The following FIRRM variants were observed in gnomAD, a reference collection of about 807,000 sequenced individuals.
FIRRM encodes the protein FIGNL1 interacting regulator of recombination and mitosis, also known as FIGNL1-interacting regulator of recombination and mitosis.
the FIRRM span, among the ~76,000 whole-genome samples, chr1:169,794,383 C>T: frequency 2.0e-5 from 3 of 152,162 alleles, no homozygotes; most frequent in South Asian, 2.1e-4. Flanking sequence ...AGACTTCACT[C>T]CAAACATTTA....
the FIRRM span, among the ~76,000 whole-genome samples, chr1:169,845,731 A>C: frequency 5.9e-5 from 9 of 152,288 alleles, no homozygotes; most frequent in South Asian, 1.2e-3. Context: ...TCACATCTTC[A>C]GGATCTACTT....
At chr1:169,811,869 T>TTAGA in the FIRRM span, among the ~76,000 whole-genome samples, 316 of 142,802 alleles carry the variant, frequency 2.2e-3, no homozygotes, top group Middle Eastern at 0.014. Context: ...GATAGATAGA[T>TTAGA]TAGATAGATA....
the FIRRM span, among the ~76,000 whole-genome samples, chr1:169,822,408 C>T: frequency 1.3e-5 from 2 of 152,192 alleles, no homozygotes; most frequent in Non-Finnish European, 2.9e-5. Context: ...TTTTTAAAAA[C>T]CACTAATATC....
the FIRRM span, among the ~76,000 whole-genome samples, chr1:169,801,755 G>A: frequency 7.2e-5 from 11 of 152,024 alleles, no homozygotes; most frequent in East Asian, 2.1e-3. Flanking sequence ...TTAAATGGAG[G>A]GAACTAAAGA....
At chr1:169,847,797 T>C in the FIRRM span, 105 of 1,572,920 alleles carry the variant, frequency 6.7e-5, 1 homozygote, top group Middle Eastern at 1.7e-4. Flanking sequence ...TACCTGAAGC[T>C]ATCCAGGTAA....
the FIRRM span, chr1:169,829,396 G>A: frequency 1.9e-6 from 3 of 1,613,564 alleles, no homozygotes; most frequent in Non-Finnish European, 2.5e-6. Flanking sequence ...GCATGTTTGT[G>A]TTCATCTGTG....
At chr1:169,796,279 G>A in the FIRRM span, among the ~76,000 whole-genome samples, 4 of 151,938 alleles carry the variant, frequency 2.6e-5, no homozygotes, top group African/African-American at 9.7e-5. Context: ...CTTAAACTGC[G>A]TGCATAATGT....
At chr1:169,849,562 G>A in the FIRRM span, 4 of 1,614,046 alleles carry the variant, frequency 2.5e-6, no homozygotes, top group South Asian at 4.4e-5. Context: ...GGAGTTGGCT[G>A]CTAGAACAAC....
At chr1:169,810,347 C>A in the FIRRM span, among the ~76,000 whole-genome samples, 1 of 152,122 alleles carries the variant, frequency 6.6e-6, no homozygotes, top group Non-Finnish European at 1.5e-5. Flanking sequence ...CTGGGGTTGC[C>A]GTAACAAGTT....
the FIRRM span, among the ~76,000 whole-genome samples, chr1:169,834,811 G>A: frequency 6.6e-6 from 1 of 152,100 alleles, no homozygotes; most frequent in Non-Finnish European, 1.5e-5. Context: ...ACTATCTCAT[G>A]ATATCTTAAG....
the FIRRM span, among the ~76,000 whole-genome samples, chr1:169,840,891 C>G: frequency 7.8e-4 from 118 of 152,234 alleles, 1 homozygote; most frequent in Middle Eastern, 0.014. Context: ...ATTTTGTATC[C>G]TGAAACAGAT....
the FIRRM span, chr1:169,805,875 T>C: frequency 1.6e-6 from 1 of 636,796 alleles, no homozygotes; most frequent in East Asian, 3.0e-5. Flanking sequence ...ACACAACTGT[T>C]TCCAAGTTGT....
the FIRRM span, chr1:169,795,086 T>C: frequency 6.5e-7 from 1 of 1,531,844 alleles, no homozygotes; most frequent in Non-Finnish European, 8.7e-7. Flanking sequence ...TTTGAAGCTC[T>C]CCTGTTTGAC....
chr1:169,828,623 A>C, the FIRRM span, among the ~76,000 whole-genome samples: 10,087 of 152,032 alleles, frequency 0.066, 428 homozygotes, highest in Non-Finnish European at 0.099. Context: ...ACCATGGGTC[A>C]CTGCAGCCTC....
chr1:169,842,674 T>TA, the FIRRM span: 2 of 960,756 alleles, frequency 2.1e-6, no homozygotes, highest in Non-Finnish European at 3.0e-6. Flanking sequence ...TATAAGAACT[T>TA]AAAGTACCTG....
At chr1:169,793,582 ACTTT>A in the FIRRM span, 2 of 1,614,078 alleles carry the variant, frequency 1.2e-6, no homozygotes, top group East Asian at 2.2e-5. Flanking sequence ...CTCCTTTTTG[ACTTT>A]CTGAGACTGA....
chr1:169,784,651 G>A, the FIRRM span, among the ~76,000 whole-genome samples: 46 of 152,034 alleles, frequency 3.0e-4, no homozygotes, highest in African/African-American at 9.7e-4. Flanking sequence ...GTTAATCTCC[G>A]AACCTTCATA....
the FIRRM span, among the ~76,000 whole-genome samples, chr1:169,796,584 A>G: frequency 3.3e-5 from 5 of 152,120 alleles, no homozygotes; most frequent in African/African-American, 2.4e-5. Context: ...CTCCATCCTC[A>G]TTGCTACCAC....
chr1:169,793,133 C>T, the FIRRM span: 3 of 1,614,108 alleles, frequency 1.9e-6, no homozygotes, highest in Non-Finnish European at 1.7e-6. Flanking sequence ...GACTTTTTTC[C>T]CAGCAAATTT....
Sources: gnomAD v4.1 joint callset for allele counts (sites outside exome capture counted in the v4.1 genomes callset) on GRCh38, gnomAD v4.1.1 for gene constraint, MANE v1.5 for transcripts, NCBI Gene and HGNC (gene_info 2026-07-23, HGNC 2026-07-21) for gene names.